Variants in CPAP observed in about 807,000 individuals in gnomAD.
CPAP encodes centrosome assembly and centriole elongation protein.
chr13:24,911,703 ATTTT>A, the CPAP span, among the ~76,000 whole-genome samples: 80 of 135,222 alleles, frequency 5.9e-4, no homozygotes, highest in African/African-American at 2.1e-3. Flanking sequence ...CACCCAGCTC[ATTTT>A]TTTTTTTTTT....
the CPAP span, among the ~76,000 whole-genome samples, chr13:24,887,454 G>A: frequency 7.2e-5 from 11 of 152,090 alleles, no homozygotes; most frequent in Admixed American, 2.0e-4. Context: ...GATCAGCAGT[G>A]GCATTAGATT....
the CPAP span, among the ~76,000 whole-genome samples, chr13:24,900,678 C>A: frequency 0.12 from 17,844 of 152,112 alleles, 1,389 homozygotes; most frequent in East Asian, 0.32. Flanking sequence ...ATCAGATGAA[C>A]CGTCCAAACG....
the CPAP span, among the ~76,000 whole-genome samples, chr13:24,899,776 C>T: frequency 6.6e-6 from 1 of 152,112 alleles, no homozygotes; most frequent in Admixed American, 6.5e-5. Context: ...ATGAATCAGG[C>T]ATTCGACGAA....
the CPAP span, chr13:24,906,971 A>C: frequency 1.2e-6 from 2 of 1,610,910 alleles, no homozygotes. Flanking sequence ...CTAAAATAAA[A>C]GAATAATATT....
At chr13:24,912,290 T>C in the CPAP span, among the ~76,000 whole-genome samples, 1 of 152,316 alleles carries the variant, frequency 6.6e-6, no homozygotes, top group Admixed American at 6.5e-5. Flanking sequence ...AACAGTCATA[T>C]AAATCCTTTG....
At chr13:24,896,489 A>T in the CPAP span, among the ~76,000 whole-genome samples, 1 of 152,244 alleles carries the variant, frequency 6.6e-6, no homozygotes, top group East Asian at 1.9e-4. Context: ...ATTTACCTCT[A>T]ATTAATTTAA....
chr13:24,885,833 C>A, the CPAP span: 74 of 632,340 alleles, frequency 1.2e-4, no homozygotes, highest in Non-Finnish European at 2.0e-4. Flanking sequence ...TTCTCCGACA[C>A]AGGTACTTAA....
the CPAP span, among the ~76,000 whole-genome samples, chr13:24,891,547 C>T: frequency 6.6e-6 from 1 of 152,078 alleles, no homozygotes; most frequent in African/African-American, 2.4e-5. Context: ...ATTCCTGACT[C>T]CTTCCTTGCT....
At chr13:24,906,543 T>G in the CPAP span, 1 of 1,614,220 alleles carries the variant, frequency 6.2e-7, no homozygotes, top group South Asian at 1.1e-5. Context: ...TTTTCTTTAT[T>G]ATTAGATGTG....
At chr13:24,907,147 A>G in the CPAP span, 1 of 1,613,930 alleles carries the variant, frequency 6.2e-7, no homozygotes, top group South Asian at 1.1e-5. Flanking sequence ...TCTTCTAAGT[A>G]ATCTTCAAAG....
the CPAP span, among the ~76,000 whole-genome samples, chr13:24,932,271 CA>C: frequency 6.6e-6 from 1 of 152,200 alleles, no homozygotes; most frequent in African/African-American, 2.4e-5. Flanking sequence ...TAAAAATGGA[CA>C]AATACCAGCC....
chr13:24,908,062 T>G, the CPAP span: 1 of 1,613,218 alleles, frequency 6.2e-7, no homozygotes, highest in South Asian at 1.1e-5. Context: ...CATGTTTTTG[T>G]AAGTTCTTAT....
At chr13:24,908,405 C>T in the CPAP span, among the ~76,000 whole-genome samples, 1 of 134,066 alleles carries the variant, frequency 7.5e-6, no homozygotes, top group East Asian at 2.2e-4. Flanking sequence ...TCGAGCCCAG[C>T]CTGGCCAACG....
At chr13:24,913,673 G>A in the CPAP span, among the ~76,000 whole-genome samples, 1 of 152,138 alleles carries the variant, frequency 6.6e-6, no homozygotes, top group Non-Finnish European at 1.5e-5. Context: ...ATTATTAGTG[G>A]CATTTTGCTT....
the CPAP span, among the ~76,000 whole-genome samples, chr13:24,897,321 T>A: frequency 6.6e-6 from 1 of 152,228 alleles, no homozygotes; most frequent in Non-Finnish European, 1.5e-5. Flanking sequence ...TACATACCTT[T>A]AACCTCAAAA....
chr13:24,900,794 A>G, the CPAP span, among the ~76,000 whole-genome samples: 1 of 152,174 alleles, frequency 6.6e-6, no homozygotes, highest in Non-Finnish European at 1.5e-5. Context: ...CCTGGTGGAG[A>G]GTGGCAGCTC....
At chr13:24,892,617 C>A in the CPAP span, 41 of 1,588,472 alleles carry the variant, frequency 2.6e-5, 1 homozygote, top group South Asian at 4.5e-4. Flanking sequence ...CCTGGCCTGA[C>A]ACAACCCACC....
At chr13:24,925,615 A>AC in the CPAP span, among the ~76,000 whole-genome samples, 23 of 152,288 alleles carry the variant, frequency 1.5e-4, no homozygotes, top group African/African-American at 5.5e-4. Context: ...AAAGAAAAAA[A>AC]GTGGGGGAGG....
the CPAP span, chr13:24,905,858 C>T: frequency 6.2e-7 from 1 of 1,614,184 alleles, no homozygotes; most frequent in East Asian, 2.2e-5. Context: ...ATCCTCTCTG[C>T]TGCTGATGCC....
Sources: allele counts gnomAD v4.1 joint callset (sites outside exome capture counted in the v4.1 genomes callset), GRCh38; gene constraint gnomAD v4.1.1; transcripts MANE v1.5; gene names NCBI Gene and HGNC (gene_info 2026-07-23, HGNC 2026-07-21).